PTPRD: variants seen among roughly 807,000 people sequenced by gnomAD.
PTPRD encodes receptor-type tyrosine-protein phosphatase delta.
In PTPRD, 34 loss-of-function variants were observed where a neutral mutation model predicts 214.5. The observed-to-expected ratio is 0.16, with a 90% CI of 0.12 to 0.21. The LOEUF is 0.21. Ranked by LOEUF, PTPRD falls within the 10% of genes least tolerant of loss-of-function variation. The pLI, the probability that PTPRD is intolerant of heterozygous loss-of-function variation, is 1.00. For missense variants in PTPRD, 2,545 were observed against 2,398.7 expected, an observed-to-expected ratio of 1.06 and a Z score of -1.27; for synonymous variants, 1,128 against 845.7, an observed-to-expected ratio of 1.33 and a Z score of -5.79.
intron 9 of PTPRD, among the ~76,000 whole-genome samples, chr9:9,229,143 T>C (rs939377282): frequency 2.6e-5 from 4 of 152,166 alleles, no homozygotes; most frequent in Non-Finnish European, 5.9e-5. Context: ...TCACATTTTA[T>C]TGCTATATTC....
chr9:8,433,930 G>C (rs1183678276), intron 35 of PTPRD, among the ~76,000 whole-genome samples: 1 of 152,104 alleles, frequency 6.6e-6, no homozygotes, highest in Non-Finnish European at 1.5e-5. Context: ...GCAACTAAAA[G>C]TCTTGCAAGC....
chr9:9,081,381 C>A (rs892845827), intron 10 of PTPRD, among the ~76,000 whole-genome samples: 4 of 152,004 alleles, frequency 2.6e-5, no homozygotes, highest in Non-Finnish European at 5.9e-5. Flanking sequence ...GATTTCCATT[C>A]TTTTGCATTT....
chr9:8,439,929 G>A (rs886398357), intron 34 of PTPRD, among the ~76,000 whole-genome samples: 124 of 91,092 alleles, frequency 1.4e-3, no homozygotes, highest in Middle Eastern at 6.7e-3. Context: ...TACTTGATGT[G>A]CTTTAATTTT....
At chr9:10,031,971 T>C (rs923516284) in intron 4 of PTPRD, among the ~76,000 whole-genome samples, 1 of 152,078 alleles carries the variant, frequency 6.6e-6, no homozygotes, top group African/African-American at 2.4e-5. Context: ...AATGCTTTCA[T>C]ATTAAAGATT....
At chr9:9,557,360 G>A (rs959365985) in intron 8 of PTPRD, among the ~76,000 whole-genome samples, 3 of 152,078 alleles carry the variant, frequency 2.0e-5, no homozygotes, top group African/African-American at 2.4e-5. Flanking sequence ...ATAAGATACC[G>A]AACTCCAACC....
At chr9:9,546,661 A>C (rs2078876595) in intron 8 of PTPRD, among the ~76,000 whole-genome samples, 1 of 151,870 alleles carries the variant, frequency 6.6e-6, no homozygotes, top group Non-Finnish European at 1.5e-5. Context: ...TGTTCCTCTT[A>C]TACCAGTAGA....
rs4595181 is a variant in PTPRD, at chr9:8,502,493, T to A, written c.1823-1434A>T. ...AGTCCATCAAAATAAAAGCTCTCTG[T>A]ACTGACAAAAAAGAAATCCTCATAG... On this transcript the variant is annotated intron_variant, in intron 23 of 45. Coordinates refer to ENST00000381196, the MANE Select transcript of PTPRD (RefSeq NM_002839.4). 2.6e-5 allele frequency among the ~76,000 whole-genome samples: 4 copies of A among 152,004 alleles called. No individual in the cohort carries two copies. In the East Asian group the frequency reaches 7.7e-4, roughly 29 times the overall value.
At chr9:8,651,746 G>A (rs904346175) in intron 12 of PTPRD, among the ~76,000 whole-genome samples, 3 of 152,056 alleles carry the variant, frequency 2.0e-5, no homozygotes, top group African/African-American at 7.2e-5. Flanking sequence ...ACCGAAATCT[G>A]TTATGTTTTG....
chr9:9,067,145 G>A (rs1265212573), intron 10 of PTPRD, among the ~76,000 whole-genome samples: 3 of 152,122 alleles, frequency 2.0e-5, no homozygotes, highest in Non-Finnish European at 4.4e-5. Context: ...CAGGAGAATC[G>A]CTTGAACCTG....
chr9:9,817,134 A>G (rs569478722), intron 5 of PTPRD, among the ~76,000 whole-genome samples: 41 of 152,282 alleles, frequency 2.7e-4, no homozygotes, highest in African/African-American at 9.4e-4. Context: ...TCAAAAATGA[A>G]TCATGAGGGA....
chr9:9,159,251 T>G (rs1255914248), intron 10 of PTPRD, among the ~76,000 whole-genome samples: 1 of 151,370 alleles, frequency 6.6e-6, no homozygotes, highest in Non-Finnish European at 1.5e-5. Flanking sequence ...TAATAGAAAA[T>G]GAAGAAGTGA....
intron 11 of PTPRD, among the ~76,000 whole-genome samples, chr9:8,817,504 G>A (rs977746787): frequency 2.0e-5 from 3 of 152,128 alleles, no homozygotes; most frequent in Non-Finnish European, 2.9e-5. Flanking sequence ...GTGTGCACCT[G>A]TAGTGCCAGC....
chr9:9,259,324 C>T (rs1023747472), intron 9 of PTPRD, among the ~76,000 whole-genome samples: 4 of 151,790 alleles, frequency 2.6e-5, no homozygotes, highest in Non-Finnish European at 4.4e-5. Context: ...ATCTGCTACA[C>T]AAAAATACAG....
At chr9:10,022,553 G>C (rs550392482) in intron 4 of PTPRD, among the ~76,000 whole-genome samples, 1 of 152,236 alleles carries the variant, frequency 6.6e-6, no homozygotes, top group African/African-American at 2.4e-5. Context: ...TTACATTTCA[G>C]CAAGTAACTG....
intron 8 of PTPRD, among the ~76,000 whole-genome samples, chr9:9,571,622 A>T (rs1035265759): frequency 4.0e-5 from 6 of 151,164 alleles, no homozygotes; most frequent in Non-Finnish European, 5.9e-5. Flanking sequence ...ATTTAGGCTT[A>T]AAGTAAAATA....
At chr9:8,720,792 T>G (rs1456805413) in intron 12 of PTPRD, among the ~76,000 whole-genome samples, 1 of 152,078 alleles carries the variant, frequency 6.6e-6, no homozygotes, top group African/African-American at 2.4e-5. Flanking sequence ...CCTCCATGAC[T>G]CTAGGGCCTG....
chr9:9,128,597 T>C (rs1292976269), intron 10 of PTPRD, among the ~76,000 whole-genome samples: 1 of 152,252 alleles, frequency 6.6e-6, no homozygotes, highest in Non-Finnish European at 1.5e-5. Flanking sequence ...AGTCTATACA[T>C]GTAGTTGCTT....
intron 2 of PTPRD, among the ~76,000 whole-genome samples, chr9:10,586,753 G>T (rs550123735): frequency 2.7e-5 from 4 of 149,258 alleles, no homozygotes; most frequent in Non-Finnish European, 5.9e-5. Context: ...TCAAAAATTT[G>T]TGTTTGCACA....
At chr9:8,916,012 T>C (rs1236780969) in intron 11 of PTPRD, among the ~76,000 whole-genome samples, 3 of 152,176 alleles carry the variant, frequency 2.0e-5, no homozygotes, top group Non-Finnish European at 1.5e-5. Context: ...AACAACTTGA[T>C]AGCTGGTGGT....
Sources: allele counts gnomAD v4.1 joint callset (sites outside exome capture counted in the v4.1 genomes callset), GRCh38; gene constraint gnomAD v4.1.1; transcripts MANE v1.5; gene names NCBI Gene and HGNC (gene_info 2026-07-23, HGNC 2026-07-21).